The following PRKG2 variants were observed in gnomAD, a reference collection of about 807,000 sequenced individuals.
PRKG2 encodes cGMP-dependent protein kinase 2.
A neutral mutation model predicts 97.2 loss-of-function variants in PRKG2; 33 were observed. The observed-to-expected ratio is 0.34, with a 90% CI of 0.26 to 0.45. PRKG2 has a LOEUF of 0.45. Ranked by LOEUF, PRKG2 falls within the 20% of genes least tolerant of loss-of-function variation. The pLI, the probability that PRKG2 is intolerant of heterozygous loss-of-function variation, is 1.00. For missense variants in PRKG2, 638 were observed against 900.0 expected, an observed-to-expected ratio of 0.71 and a Z score of 3.73; for synonymous variants, 330 against 321.8, an observed-to-expected ratio of 1.03 and a Z score of -0.27.
intron 2 of PRKG2, among the ~76,000 whole-genome samples, chr4:81,203,942 T>C (rs945532287): frequency 2.0e-5 from 3 of 152,146 alleles, no homozygotes; most frequent in African/African-American, 7.2e-5. Flanking sequence ...TGACCTCCTT[T>C]CCCTTCACTC....
chr4:81,125,665 G>A (rs951823242), intron 14 of PRKG2, among the ~76,000 whole-genome samples: 7 of 152,258 alleles, frequency 4.6e-5, no homozygotes, highest in South Asian at 2.1e-4. Context: ...ATAGGTATAC[G>A]TTTGACTCAA....
At chr4:81,144,610 A>ATTTT (rs780598203) in intron 9 of PRKG2, among the ~76,000 whole-genome samples, 25 of 140,062 alleles carry the variant, frequency 1.8e-4, no homozygotes, top group African/African-American at 6.5e-4. Flanking sequence ...ATATATATAT[A>ATTTT]TTTTTTTTTT....
intron 17 of PRKG2, among the ~76,000 whole-genome samples, chr4:81,099,860 CAA>C (rs1742538920): frequency 6.6e-6 from 1 of 152,172 alleles, no homozygotes; most frequent in African/African-American, 2.4e-5. Flanking sequence ...GCAACTTCAG[CAA>C]AGTCTCAGGA....
At chr4:81,140,432 G>T in intron 12 of PRKG2, 101 bp downstream of exon 12, 1 of 1,057,706 alleles carries the variant, frequency 9.5e-7, no homozygotes, top group Non-Finnish European at 1.3e-6. Flanking sequence ...TGCCTACTAT[G>T]TACCCACAAA....
At chr4:81,210,400 A>G (rs1381205345) in intron 1 of PRKG2, among the ~76,000 whole-genome samples, 1 of 152,182 alleles carries the variant, frequency 6.6e-6, no homozygotes, top group Admixed American at 6.5e-5. Flanking sequence ...AGATCTGAGC[A>G]GACACCTCAC....
At chr4:81,101,222 A>G (rs1742723775) in intron 17 of PRKG2, among the ~76,000 whole-genome samples, 2 of 152,050 alleles carry the variant, frequency 1.3e-5, no homozygotes. Context: ...CTGGGTATAT[A>G]CCCAAAGGAT....
At chr4:81,120,578 A>G (rs1744981428) in intron 14 of PRKG2, among the ~76,000 whole-genome samples, 1 of 152,140 alleles carries the variant, frequency 6.6e-6, no homozygotes. Context: ...TAGTGTTTTT[A>G]ACTTCAAATT....
chr4:81,106,013 C>A, intron 15 of PRKG2, 78 bp from the exon 16 acceptor site: 1 of 1,467,362 alleles, frequency 6.8e-7, no homozygotes. Flanking sequence ...TTCTTTCTTC[C>A]TTCTTTCCTT....
At chr4:81,215,525 T>G (rs1216147712), upstream of PRKG2, among the ~76,000 whole-genome samples, 2 of 152,068 alleles carry the variant, frequency 1.3e-5, no homozygotes, top group African/African-American at 4.8e-5. Flanking sequence ...CAGGGAGGTG[T>G]TCATTTTTTC....
At chr4:81,136,731 C>T (rs926630132) in intron 13 of PRKG2, among the ~76,000 whole-genome samples, 1 of 152,184 alleles carries the variant, frequency 6.6e-6, no homozygotes, top group African/African-American at 2.4e-5. Flanking sequence ...TGGCATTTAA[C>T]TACAAATTTC....
At chr4:81,099,514 G>A (rs1456067073) in intron 17 of PRKG2, among the ~76,000 whole-genome samples, 8 of 151,616 alleles carry the variant, frequency 5.3e-5, no homozygotes, top group Admixed American at 4.6e-4. Flanking sequence ...ATTCAACAAC[G>A]CTTCATGCTA....
chr4:81,113,370 C>T (rs995343601), intron 14 of PRKG2, among the ~76,000 whole-genome samples: 36 of 151,094 alleles, frequency 2.4e-4, no homozygotes, highest in South Asian at 2.1e-4. Flanking sequence ...AGCACCCCCC[C>T]TTTTTTTTCA....
intron 2 of PRKG2, among the ~76,000 whole-genome samples, chr4:81,200,271 A>G (rs980526611): frequency 6.6e-6 from 1 of 152,162 alleles, no homozygotes; most frequent in Non-Finnish European, 1.5e-5. Flanking sequence ...CAGCCTTGAG[A>G]AGCACTGTAA....
chr4:81,145,965 T>C (rs1747821592), intron 9 of PRKG2, among the ~76,000 whole-genome samples: 1 of 152,156 alleles, frequency 6.6e-6, no homozygotes, highest in Non-Finnish European at 1.5e-5. Context: ...TATTACCTAC[T>C]GTGCAGGGTA....
At chr4:81,169,224 T>C (rs930268451) in intron 5 of PRKG2, among the ~76,000 whole-genome samples, 1 of 152,104 alleles carries the variant, frequency 6.6e-6, no homozygotes, top group Admixed American at 6.6e-5. Context: ...GGCGTGACTA[T>C]GCAAATAAGA....
In PRKG2 at chr4:81,183,469, G is replaced by A. The variant is rs151288740; in HGVS notation, c.462-8510C>T. Among the ~76,000 whole-genome samples the A allele has an allele frequency of 7.0e-3, 1,071 of 152,248 alleles. 20 individuals carry two copies. Among genetic ancestry groups the A allele is most frequent in the African/African-American group, 0.025 (1,048 of 41,546 alleles). On this transcript the variant is annotated intron_variant, in intron 2 of 18. Transcript: ENST00000264399. Reference sequence around the variant, plus strand: ...TGGTGTACTCAGGCCCAGATAGTACGCTTTTCCCATGGTCTTCACAACCTG... The same window carrying A: ...TGGTGTACTCAGGCCCAGATAGTACACTTTTCCCATGGTCTTCACAACCTG...
chr4:81,172,891 C>T (rs1546651), intron 3 of PRKG2, among the ~76,000 whole-genome samples: 36,274 of 151,952 alleles, frequency 0.24, 8,437 homozygotes, highest in African/African-American at 0.59. Flanking sequence ...ATATCCTTAG[C>T]CTGATAGAAT....
chr4:81,131,705 A>G (rs1746194482), intron 14 of PRKG2, among the ~76,000 whole-genome samples: 1 of 152,132 alleles, frequency 6.6e-6, no homozygotes, highest in South Asian at 2.1e-4. Flanking sequence ...TTTTTTCCAC[A>G]TATGGATATC....
At chr4:81,119,916 C>T (rs1399589373) in intron 14 of PRKG2, among the ~76,000 whole-genome samples, 4 of 152,002 alleles carry the variant, frequency 2.6e-5, no homozygotes, top group African/African-American at 7.3e-5. Context: ...CCTTGTGATC[C>T]GCCCACCTCA....
Sources: allele counts gnomAD v4.1 joint callset (sites outside exome capture counted in the v4.1 genomes callset), GRCh38; gene constraint gnomAD v4.1.1; transcripts MANE v1.5; gene names NCBI Gene and HGNC (gene_info 2026-07-23, HGNC 2026-07-21).